The following RHBDD1 variants were observed in gnomAD, a reference collection of about 807,000 sequenced individuals.
RHBDD1 encodes rhomboid domain containing 1.
Under a neutral mutation model 36.3 loss-of-function variants are expected in RHBDD1, and 38 were observed. The observed-to-expected ratio is 1.05, with a 90% confidence interval of 0.81 to 1.37. RHBDD1 has a LOEUF of 1.37. Ranked by LOEUF, RHBDD1 falls within the 40% of genes most tolerant of loss-of-function variation. The probability of loss-of-function intolerance (pLI) is 0.00; values close to 1 mark genes in which losing one functional copy is unlikely to be tolerated. For synonymous variants in RHBDD1, 151 were observed against 136.5 expected, an observed-to-expected ratio of 1.11 and a Z score of -0.74; for missense variants, 393 against 377.6, an observed-to-expected ratio of 1.04 and a Z score of -0.34.
At chr2:226,803,358 A>G in the RHBDD1 span, among the ~76,000 whole-genome samples, 2 of 152,098 alleles carry the variant, frequency 1.3e-5, no homozygotes, top group Non-Finnish European at 1.5e-5. Flanking sequence ...GAGATGTCAA[A>G]TAACAAGTGG....
In RHBDD1 at chr2:226,864,653, T is replaced by TACGTTTTCCCATTGCTGAGC; in HGVS notation, c.-40_-21dup. ...AGATACCTGAAACTGACCACCTGAG[T>TACGTTTTCCCATTGCTGAGC]ACGTTTTCCCATTGCTGAGCTGTTT... is the stretch of plus-strand genomic sequence containing the variant. On this transcript the variant is annotated 5_prime_UTR_variant, in exon 4 of 9. Coordinates refer to ENST00000392062, the MANE Select transcript of RHBDD1 (RefSeq NM_001167608.3). The TACGTTTTCCCATTGCTGAGC allele has an allele frequency of 6.5e-7, 1 of 1,546,376 alleles. No homozygotes were observed. Among genetic ancestry groups the TACGTTTTCCCATTGCTGAGC allele is most frequent in the Non-Finnish European group, 8.9e-7 (1 of 1,127,566 alleles).
intron 8 of RHBDD1, among the ~76,000 whole-genome samples, chr2:226,975,276 TACACACACAAACACAC>T (rs1954364609): frequency 6.6e-6 from 1 of 152,062 alleles, no homozygotes; most frequent in Non-Finnish European, 1.5e-5. Context: ...CTCATTTCAC[TACACACACAAACACAC>T]ACACACACAT....
At chr2:226,909,281 T>C (rs1948339245) in intron 7 of RHBDD1, among the ~76,000 whole-genome samples, 1 of 152,214 alleles carries the variant, frequency 6.6e-6, no homozygotes, top group African/African-American at 2.4e-5. Context: ...TACCGTCAGA[T>C]GCTAAAATAG....
chr2:226,835,095 G>A (rs776514710), upstream of RHBDD1, among the ~76,000 whole-genome samples: 28 of 152,088 alleles, frequency 1.8e-4, no homozygotes, highest in Non-Finnish European at 3.5e-4. Flanking sequence ...TTTTTAAATA[G>A]AGACAAGGTC....
At chr2:226,901,460 ATTG>A (rs1486790998) in intron 5 of RHBDD1, among the ~76,000 whole-genome samples, 2 of 152,160 alleles carry the variant, frequency 1.3e-5, no homozygotes, top group East Asian at 3.8e-4. Context: ...GAACCTCTGT[ATTG>A]TTTTCTATAA....
At chr2:226,819,721 CTA>C in the RHBDD1 span, among the ~76,000 whole-genome samples, 2 of 152,142 alleles carry the variant, frequency 1.3e-5, no homozygotes, top group African/African-American at 4.8e-5. Flanking sequence ...TCAATATTCC[CTA>C]TGTTTTTTCT....
chr2:226,941,015 C>T (rs193044941), intron 8 of RHBDD1, among the ~76,000 whole-genome samples: 27 of 149,864 alleles, frequency 1.8e-4, no homozygotes, highest in South Asian at 4.3e-4. Flanking sequence ...GGCATGATCT[C>T]GGCTCACTGC....
At chr2:226,843,077 G>A (rs978025208) in intron 3 of RHBDD1, among the ~76,000 whole-genome samples, 4 of 151,970 alleles carry the variant, frequency 2.6e-5, no homozygotes, top group East Asian at 1.9e-4. Flanking sequence ...TCTGCTTGCC[G>A]GTGTTGGTGT....
chr2:226,829,738 T>G, the RHBDD1 span, among the ~76,000 whole-genome samples: 1 of 152,208 alleles, frequency 6.6e-6, no homozygotes, highest in Non-Finnish European at 1.5e-5. Flanking sequence ...AGTAGTTTTA[T>G]CTGTGTGCGT....
chr2:226,908,204 T>C (rs1575054893), intron 6 of RHBDD1: 1 of 152,180 alleles, frequency 6.6e-6, no homozygotes. Context: ...GAACTCGGCC[T>C]TTTTTCTGTG....
chr2:226,897,461 G>A (rs944928190), intron 5 of RHBDD1, among the ~76,000 whole-genome samples: 2 of 152,166 alleles, frequency 1.3e-5, no homozygotes, highest in East Asian at 1.9e-4. Context: ...AGTCCATTTA[G>A]TGTTGCTATA....
intron 8 of RHBDD1, among the ~76,000 whole-genome samples, chr2:226,970,247 G>T (rs1202483842): frequency 2.6e-5 from 4 of 152,036 alleles, no homozygotes; most frequent in East Asian, 1.9e-4. Context: ...GAATTAAGGT[G>T]TTTCTTAAAG....
Position 226,857,853 on chromosome 2 carries a change from T to C in RHBDD1, c.-90-6751T>C, listed in dbSNP as rs148220068. ...GTCATGGAAATTCTAGAATTAGATA[T>C]GCACAACCTTGTGAATATACTAAAA... On this transcript the variant is annotated intron_variant, in intron 3 of 8. Coordinates refer to ENST00000392062, the MANE Select transcript of RHBDD1 (RefSeq NM_001167608.3). Among the ~76,000 whole-genome samples the C allele has an allele frequency of 1.9e-3, 294 of 152,280 alleles. 4 individuals carry two copies. In the East Asian group the frequency reaches 0.044, roughly 23 times the overall value.
chr2:226,976,289 CCA>C (rs1458358458), intron 8 of RHBDD1, among the ~76,000 whole-genome samples: 1 of 146,228 alleles, frequency 6.8e-6, no homozygotes, highest in East Asian at 2.0e-4. Context: ...TTGGATATGC[CCA>C]CCCCCCTGGA....
chr2:226,891,716 G>T (rs1946702996), intron 5 of RHBDD1, among the ~76,000 whole-genome samples: 1 of 152,174 alleles, frequency 6.6e-6, no homozygotes, highest in Admixed American at 6.5e-5. Flanking sequence ...AGAATTCTTG[G>T]TTGGAAACCC....
intron 8 of RHBDD1, among the ~76,000 whole-genome samples, chr2:226,930,999 G>A (rs1559285123): frequency 6.6e-6 from 1 of 152,070 alleles, no homozygotes; most frequent in African/African-American, 2.4e-5. Context: ...ATAGATGTTA[G>A]TGTGAATGTG....
chr2:226,836,447 A>G (rs1940970889), intron 1 of RHBDD1, among the ~76,000 whole-genome samples: 2 of 152,326 alleles, frequency 1.3e-5, no homozygotes, highest in South Asian at 4.1e-4. Context: ...GTGACGTTGC[A>G]TCAGCAACAG....
chr2:226,989,234 C>T (rs753862201), intron 8 of RHBDD1, among the ~76,000 whole-genome samples: 1 of 152,148 alleles, frequency 6.6e-6, no homozygotes, highest in Non-Finnish European at 1.5e-5. Flanking sequence ...AGGATAGAAA[C>T]CACTTATAAC....
At chr2:226,890,451 G>T (rs1041133030) in intron 5 of RHBDD1, among the ~76,000 whole-genome samples, 1 of 152,188 alleles carries the variant, frequency 6.6e-6, no homozygotes, top group African/African-American at 2.4e-5. Context: ...TATTTCTTCA[G>T]TGTAGTAACA....
Sources: gnomAD v4.1 joint callset for allele counts (sites outside exome capture counted in the v4.1 genomes callset) on GRCh38, gnomAD v4.1.1 for gene constraint, MANE v1.5 for transcripts, NCBI Gene and HGNC (gene_info 2026-07-23, HGNC 2026-07-21) for gene names.